The following XPO1 variants were observed in gnomAD, a reference collection of about 807,000 sequenced individuals.
XPO1 encodes exportin 1, also known as exportin-1.
Under a neutral mutation model 133.3 loss-of-function variants are expected in XPO1, and 5 were observed. The observed-to-expected ratio is 0.04, with a 90% CI of 0.02 to 0.08. XPO1 has a LOEUF of 0.08. Ranked by LOEUF, XPO1 falls within the 10% of genes least tolerant of loss-of-function variation. The pLI is 1.00. For missense variants in XPO1, 506 were observed against 1,267.5 expected (o/e 0.40, Z 9.12); for synonymous variants, 419 against 408.2 (o/e 1.03, Z -0.32).
Position 61,478,952 on chromosome 2 carries a change from T to C in XPO1, c.3084A>G (p.Glu1028=). The change falls in exon 25 of 25, where the codon GAA becomes GAG. Residue 1028 remains glutamate, a synonymous_variant. Transcript: ENST00000401558. ...CTTCCAAAAACAAATCAGAAGTGTC[T>C]TCACCTGCAAATTCCTGTGAAAACA... ...FLVQIKEFAG[E]DTSDLFLEER... 1 of 1,612,078 alleles carries C rather than the reference T, an allele frequency of 6.2e-7. No individual in the cohort carries two copies. Among genetic ancestry groups the C allele is most frequent in the Non-Finnish European group, 8.5e-7 (1 of 1,179,482 alleles).
intron 4 of XPO1, among the ~76,000 whole-genome samples, chr2:61,517,142 C>T (rs1698432160): frequency 6.6e-6 from 1 of 152,106 alleles, no homozygotes. Context: ...CTCAGGTGAT[C>T]TGCCCACCTC....
chr2:61,522,583 C>G (rs2104749947), intron 4 of XPO1, 28 bp downstream of exon 4: 1 of 1,594,398 alleles, frequency 6.3e-7, no homozygotes, highest in South Asian at 1.1e-5. Flanking sequence ...AAACAAAACT[C>G]TGAATTTATA....
chr2:61,485,230 C>T (rs548870437), intron 20 of XPO1: 1 of 152,488 alleles, frequency 6.6e-6, no homozygotes, highest in South Asian at 2.1e-4. Context: ...ATATACTACA[C>T]TTTTATAATT....
rs529448107 is a variant in XPO1, at chr2:61,507,830, T to C, written c.302-5520A>G. ...GAGGTGGAGAAAGAGAAGAGAAAGA[T>C]GCATTCCTAGTGAGCTGAAATAGTG... On this transcript the variant is annotated intron_variant, in intron 4 of 24. Coordinates refer to ENST00000401558, the MANE Select transcript of XPO1 (RefSeq NM_003400.4). Among the ~76,000 whole-genome samples, 6 of 152,200 alleles carry C rather than the reference T, an allele frequency of 3.9e-5. No individual in the cohort carries two copies. In the East Asian group the frequency reaches 9.7e-4, roughly 24 times the overall value.
intron 4 of XPO1, among the ~76,000 whole-genome samples, chr2:61,517,492 G>A (rs532511594): frequency 6.6e-6 from 1 of 152,294 alleles, no homozygotes; most frequent in South Asian, 2.1e-4. Flanking sequence ...AGGCTAAGGC[G>A]TGGTAACTGC....
intron 4 of XPO1, among the ~76,000 whole-genome samples, chr2:61,521,850 G>A (rs897538936): frequency 1.3e-5 from 2 of 149,700 alleles, no homozygotes; most frequent in Non-Finnish European, 3.0e-5. Flanking sequence ...CAACCTCTTG[G>A]CTCAAGGGAT....
intron 7 of XPO1, 47 bp from the exon 8 acceptor site, chr2:61,498,960 A>G (rs1011626662): frequency 3.5e-5 from 53 of 1,524,328 alleles, no homozygotes; most frequent in Non-Finnish European, 4.3e-5. Context: ...AGACACAGAA[A>G]TAAGTATCAG....
rs542208778 is a variant in XPO1, at chr2:61,537,639, A to T, written c.-84T>A. The stretch of plus-strand genomic sequence containing the variant: ...GGAAGGTGGGGAGGGGGGAGAGGGG[A>T]CGAATCAAGGTGGGTTTCAGTTTTC... On this transcript the variant is annotated 5_prime_UTR_variant, in exon 1 of 25. Transcript: ENST00000401558. 2 of 151,790 alleles carry T rather than the reference A, an allele frequency of 1.3e-5. No homozygotes were observed. Among genetic ancestry groups the T allele is most frequent in the African/African-American group, 4.8e-5 (2 of 41,442 alleles). The allele number at this position is 151,790 out of a possible 1,614,324, so 9.4% of individuals were successfully genotyped here. A position where few individuals can be genotyped will look rare whatever the true frequency, so the allele number is the denominator to read the frequency against.
At chr2:61,510,982 A>G (rs1419030787) in intron 4 of XPO1, among the ~76,000 whole-genome samples, 1 of 151,416 alleles carries the variant, frequency 6.6e-6, no homozygotes, top group African/African-American at 2.4e-5. Context: ...TAAGCTAGGG[A>G]TCAAACACTG....
intron 9 of XPO1, among the ~76,000 whole-genome samples, chr2:61,498,172 C>G (rs754021824): frequency 2.4e-4 from 37 of 152,316 alleles, no homozygotes; most frequent in Non-Finnish European, 4.9e-4. Context: ...TCTTGGCTCA[C>G]TGCACCTTCT....
chr2:61,489,598 A>C (rs1401999543), intron 17 of XPO1, among the ~76,000 whole-genome samples: 2 of 149,796 alleles, frequency 1.3e-5, no homozygotes, highest in African/African-American at 4.9e-5. Flanking sequence ...TCTGTTGCCC[A>C]GGCTAGAGTG....
chr2:61,489,158 A>G (rs1378196844), intron 17 of XPO1, among the ~76,000 whole-genome samples: 1 of 152,074 alleles, frequency 6.6e-6, no homozygotes, highest in African/African-American at 2.4e-5. Context: ...TCACACCTAT[A>G]ATCCCAGCAC....
At chr2:61,497,598 T>A (rs547345765) in intron 9 of XPO1, among the ~76,000 whole-genome samples, 6 of 152,328 alleles carry the variant, frequency 3.9e-5, no homozygotes, top group South Asian at 2.1e-4. Context: ...AGGAATGTTA[T>A]ACTTTCTGTG....
chr2:61,535,987 T>C (rs915361383), intron 1 of XPO1, among the ~76,000 whole-genome samples: 1 of 152,214 alleles, frequency 6.6e-6, no homozygotes, highest in African/African-American at 2.4e-5. Flanking sequence ...TTCGGTTAAA[T>C]ATTGAACAAA....
Position 61,478,949 on chromosome 2 carries a change from G to T in XPO1, c.3087C>A (p.Asp1029Glu), listed in dbSNP as rs1188678392. Residue 1029 changes from aspartate (D) to glutamate (E), a missense_variant, in exon 25 of 25, where the codon GAC becomes GAA. By Grantham distance (45) the Asp-to-Glu change is conservative. Around this residue, in one of 6 missense-constraint regions of XPO1, gnomAD observed 203 missense variants for 365.9 expected, o/e 0.55. Coordinates refer to ENST00000401558, the MANE Select transcript of XPO1 (RefSeq NM_003400.4). ...LVQIKEFAGE[D>E]TSDLFLEERE... ...TCTCTTCCAAAAACAAATCAGAAGTGTCTTCACCTGCAAATTCCTGTGAAA... is the reference window on the plus strand; with the variant it reads ...TCTCTTCCAAAAACAAATCAGAAGTTTCTTCACCTGCAAATTCCTGTGAAA... 6.2e-7 allele frequency: 1 copy of T among 1,611,810 alleles called. No homozygotes were observed. Among genetic ancestry groups the T allele is most frequent in the Non-Finnish European group, 8.5e-7 (1 of 1,179,444 alleles).
At chr2:61,488,882 A>G in intron 17 of XPO1, 111 bp from the exon 18 acceptor site, 1 of 1,157,106 alleles carries the variant, frequency 8.6e-7, no homozygotes. Flanking sequence ...CGGGCGGATG[A>G]TGAGTTCAGG....
chr2:61,496,543 T>C (rs1697251007), intron 10 of XPO1, among the ~76,000 whole-genome samples: 1 of 152,170 alleles, frequency 6.6e-6, no homozygotes, highest in African/African-American at 2.4e-5. Context: ...TTCTAGATCA[T>C]TTAATAGATA....
At chr2:61,511,215 C>T (rs1698081473) in intron 4 of XPO1, among the ~76,000 whole-genome samples, 1 of 151,968 alleles carries the variant, frequency 6.6e-6, no homozygotes. Flanking sequence ...CCTCCACCTC[C>T]CAGGTTTAAG....
intron 24 of XPO1, 33 bp downstream of exon 24, chr2:61,481,152 C>T (rs750587854): frequency 1.4e-6 from 2 of 1,479,264 alleles, no homozygotes; most frequent in African/African-American, 2.8e-5. Context: ...ACATCTACCC[C>T]TAATATTTCT....
Sources: allele counts gnomAD v4.1 joint callset (sites outside exome capture counted in the v4.1 genomes callset), GRCh38; gene constraint gnomAD v4.1.1; regional missense constraint gnomAD v4.1.1; transcripts MANE v1.5; gene names NCBI Gene and HGNC (gene_info 2026-07-23, HGNC 2026-07-21).